DOK5: variants seen among roughly 807,000 people sequenced by gnomAD.
The protein encoded by DOK5 is downstream of tyrosine kinase 5.
In DOK5, 27 loss-of-function variants were observed where a neutral mutation model predicts 43.3. The observed-to-expected ratio is 0.62, with a 90% confidence interval of 0.46 to 0.86. The LOEUF (loss-of-function observed/expected upper bound fraction) is 0.86, where lower values mean the gene tolerates loss of function less well. Among genes scored for constraint, DOK5 ranks in the 40% least tolerant of loss-of-function variants. The pLI is 0.00. For missense variants in DOK5, 373 were observed against 392.9 expected (o/e 0.95, Z 0.43); for synonymous variants, 146 against 140.1 (o/e 1.04, Z -0.30).
At chr20:54,483,618 T>C (rs1399247512) in intron 1 of DOK5, among the ~76,000 whole-genome samples, 2 of 152,218 alleles carry the variant, frequency 1.3e-5, no homozygotes, top group African/African-American at 4.8e-5. Flanking sequence ...GATTTTTCTC[T>C]TACTCTAGGA....
At chr20:54,544,126 TTAAC>T (rs1489428121) in intron 1 of DOK5, among the ~76,000 whole-genome samples, 2 of 152,228 alleles carry the variant, frequency 1.3e-5, no homozygotes, top group South Asian at 2.1e-4. Flanking sequence ...TACTTCATGA[TTAAC>T]TAACCCATTT....
chr20:54,609,137 G>A (rs950111502), intron 5 of DOK5, among the ~76,000 whole-genome samples: 2 of 152,074 alleles, frequency 1.3e-5, no homozygotes, highest in African/African-American at 4.8e-5. Flanking sequence ...CATCTTCCTC[G>A]TATTATTGCA....
chr20:54,625,397 G>A (rs1395715867), intron 6 of DOK5, among the ~76,000 whole-genome samples: 1 of 152,160 alleles, frequency 6.6e-6, no homozygotes, highest in African/African-American at 2.4e-5. Flanking sequence ...TAGACGTTTG[G>A]CCAGTTGCCA....
chr20:54,543,595 AAG>A (rs1984241092), intron 1 of DOK5, among the ~76,000 whole-genome samples: 1 of 146,380 alleles, frequency 6.8e-6, no homozygotes, highest in African/African-American at 2.6e-5. Flanking sequence ...GAGAGAGAGA[AAG>A]AAAGAGAGAG....
At chr20:54,548,831 C>T (rs1203332788) in intron 1 of DOK5, among the ~76,000 whole-genome samples, 1 of 152,196 alleles carries the variant, frequency 6.6e-6, no homozygotes. Context: ...GTAAGTCTTC[C>T]TGTTTTATTT....
chr20:54,615,100 G>A (rs1258473655), intron 6 of DOK5, among the ~76,000 whole-genome samples: 1 of 152,160 alleles, frequency 6.6e-6, no homozygotes, highest in Non-Finnish European at 1.5e-5. Context: ...ATTGTTTACT[G>A]TCACTGTTGT....
intron 6 of DOK5, among the ~76,000 whole-genome samples, chr20:54,636,401 T>C (rs1190760005): frequency 6.6e-6 from 1 of 152,230 alleles, no homozygotes; most frequent in Non-Finnish European, 1.5e-5. Flanking sequence ...GATTTGCAAC[T>C]TCCCCAATTA....
chr20:54,615,967 C>T (rs1483268970), intron 6 of DOK5, among the ~76,000 whole-genome samples: 1 of 151,934 alleles, frequency 6.6e-6, no homozygotes, highest in Non-Finnish European at 1.5e-5. Context: ...CTGTTGATGC[C>T]TTGACCACAG....
chr20:54,573,142 A>G (rs1985344724), intron 2 of DOK5, among the ~76,000 whole-genome samples: 4 of 152,188 alleles, frequency 2.6e-5, no homozygotes, highest in Admixed American at 2.6e-4. Flanking sequence ...GATAGGAAGT[A>G]TGGAAGGAGA....
intron 1 of DOK5, among the ~76,000 whole-genome samples, chr20:54,514,625 CA>C (rs1983135167): frequency 7.9e-6 from 1 of 126,284 alleles, no homozygotes; most frequent in African/African-American, 3.2e-5. Context: ...GAAAGGCAAT[CA>C]GGGGAGAGCA....
intron 1 of DOK5, among the ~76,000 whole-genome samples, chr20:54,498,524 T>G (rs1202939187): frequency 6.6e-6 from 1 of 152,190 alleles, no homozygotes; most frequent in Non-Finnish European, 1.5e-5. Flanking sequence ...ATTGAGCAAT[T>G]GGGAAGAGGA....
At chr20:54,491,488 C>A (rs1300673083) in intron 1 of DOK5, among the ~76,000 whole-genome samples, 1 of 152,150 alleles carries the variant, frequency 6.6e-6, no homozygotes, top group Non-Finnish European at 1.5e-5. Context: ...CAGGACAGGC[C>A]AAACTGGTAG....
chr20:54,618,867 A>T (rs1053783475), intron 6 of DOK5, among the ~76,000 whole-genome samples: 1 of 151,292 alleles, frequency 6.6e-6, no homozygotes, highest in African/African-American at 2.4e-5. Context: ...ATATTTAAAA[A>T]TTAGCCCAGC....
intron 1 of DOK5, among the ~76,000 whole-genome samples, chr20:54,479,861 A>T (rs1981596843): frequency 1.3e-5 from 2 of 151,936 alleles, no homozygotes; most frequent in African/African-American, 4.8e-5. Flanking sequence ...TCACAAGCGA[A>T]CCTTGGTGTC....
At chr20:54,504,723 A>G (rs1982742348) in intron 1 of DOK5, among the ~76,000 whole-genome samples, 1 of 152,208 alleles carries the variant, frequency 6.6e-6, no homozygotes, top group South Asian at 2.1e-4. Context: ...AAGGGAAAAG[A>G]GTGATTTTAT....
chr20:54,529,348 T>C (rs1983685424), intron 1 of DOK5, among the ~76,000 whole-genome samples: 1 of 152,154 alleles, frequency 6.6e-6, no homozygotes, highest in South Asian at 2.1e-4. Context: ...CTACTACTAA[T>C]AATAGTTCCT....
intron 6 of DOK5, among the ~76,000 whole-genome samples, chr20:54,631,112 A>T (rs1187765839): frequency 1.3e-5 from 2 of 152,220 alleles, no homozygotes; most frequent in African/African-American, 2.4e-5. Context: ...GAATGTTAGG[A>T]TATGTTCATA....
At chr20:54,649,815 G>A (rs1979614123) in intron 7 of DOK5, among the ~76,000 whole-genome samples, 1 of 152,196 alleles carries the variant, frequency 6.6e-6, no homozygotes, top group Non-Finnish European at 1.5e-5. Context: ...GGGCTCAGTA[G>A]TCGCAATGAG....
At chr20:54,623,950 G>A (rs1987064408) in intron 6 of DOK5, among the ~76,000 whole-genome samples, 1 of 152,134 alleles carries the variant, frequency 6.6e-6, no homozygotes, top group Non-Finnish European at 1.5e-5. Flanking sequence ...TTGAAGCAAT[G>A]GGGATATAAA....
Sources: allele counts gnomAD v4.1 joint callset (sites outside exome capture counted in the v4.1 genomes callset), GRCh38; gene constraint gnomAD v4.1.1; transcripts MANE v1.5; gene names NCBI Gene and HGNC (gene_info 2026-07-23, HGNC 2026-07-21).